Variants in RIN2 observed in about 807,000 individuals in gnomAD.
The protein encoded by RIN2 is Ras and Rab interactor 2.
In RIN2, 36 loss-of-function variants were observed where a neutral mutation model predicts 78.0. That is an observed-to-expected ratio of 0.46 (90% CI 0.35 to 0.61). RIN2 has a LOEUF of 0.61. Among genes scored for constraint, RIN2 ranks in the 20% least tolerant of loss-of-function variants. The pLI, the probability that RIN2 is intolerant of heterozygous loss-of-function variation, is 0.00. For missense variants in RIN2, 1,087 were observed against 1,159.7 expected (o/e 0.94, Z 0.91); for synonymous variants, 466 against 466.8 (o/e 1.00, Z 0.02).
rs531990452 is a variant in RIN2, at chr20:19,978,728, G to A, written c.1762+2941G>A. On this transcript the variant is annotated intron_variant, in intron 9 of 12. Coordinates refer to ENST00000255006, the MANE Select transcript of RIN2 (RefSeq NM_018993.4). Reference sequence around the variant, plus strand: ...CTCCTGGTTGGAGAGACACGGGCTCGTTCCTGTGTGTGCCAGCTCTCTATT... The same window carrying A: ...CTCCTGGTTGGAGAGACACGGGCTCATTCCTGTGTGTGCCAGCTCTCTATT... Among the ~76,000 whole-genome samples, 9 of 152,268 alleles carry A rather than the reference G, an allele frequency of 5.9e-5. No individual in the cohort carries two copies. In the East Asian group the frequency reaches 9.7e-4, roughly 16 times the overall value.
chr20:19,995,271 AAAAAAAAC>A (rs1306898369), intron 11 of RIN2, among the ~76,000 whole-genome samples: 69 of 151,496 alleles, frequency 4.6e-4, no homozygotes, highest in Non-Finnish European at 7.7e-4. Flanking sequence ...TAAAAAAAAA[AAAAAAAAC>A]AAAACACATT....
At chr20:19,763,112 C>T (rs1031168120) in intron 1 of RIN2, among the ~76,000 whole-genome samples, 1 of 152,146 alleles carries the variant, frequency 6.6e-6, no homozygotes, top group Admixed American at 6.5e-5. Flanking sequence ...TGGCCAGGTG[C>T]AGTGGCTCAT....
At chr20:19,810,445 C>T (rs1371980911) in intron 2 of RIN2, among the ~76,000 whole-genome samples, 5 of 151,906 alleles carry the variant, frequency 3.3e-5, no homozygotes, top group African/African-American at 1.2e-4. Context: ...GTACCATGGG[C>T]TGCCAGGGCC....
At chr20:19,958,891 TAAAG>T (rs1332642905) in intron 5 of RIN2, among the ~76,000 whole-genome samples, 4 of 151,580 alleles carry the variant, frequency 2.6e-5, no homozygotes, top group African/African-American at 9.7e-5. Context: ...TTAAATAAAA[TAAAG>T]AAGAGAGAGA....
chr20:19,954,062 G>A (rs971844777), intron 4 of RIN2, among the ~76,000 whole-genome samples: 1 of 152,208 alleles, frequency 6.6e-6, no homozygotes, highest in Non-Finnish European at 1.5e-5. Flanking sequence ...ATGGAGAGAA[G>A]TTAGGACGGG....
intron 9 of RIN2, among the ~76,000 whole-genome samples, chr20:19,988,349 G>T (rs1284488309): frequency 1.3e-5 from 2 of 152,158 alleles, no homozygotes; most frequent in South Asian, 4.1e-4. Flanking sequence ...TGAACCCCTG[G>T]CCTCAAGTGA....
chr20:19,906,022 G>A (rs774000990), intron 3 of RIN2, among the ~76,000 whole-genome samples: 1 of 152,170 alleles, frequency 6.6e-6, no homozygotes, highest in Non-Finnish European at 1.5e-5. Context: ...ACACATGCCA[G>A]GGCCATGAAT....
chr20:19,841,455 G>A (rs1057479984), intron 2 of RIN2, among the ~76,000 whole-genome samples: 5 of 152,050 alleles, frequency 3.3e-5, no homozygotes, highest in African/African-American at 1.2e-4. Context: ...AATTAAAAAG[G>A]CCACCATTGA....
rs181298473 is a variant in RIN2 at position 19,975,667 on chromosome 20, G to C, written c.1642G>C (p.Val548Leu). 6.2e-7 allele frequency: 1 copy of C among 1,613,680 alleles called. No individual in the cohort carries two copies. Among genetic ancestry groups the C allele is most frequent in the South Asian group, 1.1e-5 (1 of 91,072 alleles). Residue 548 changes from valine to leucine, a missense_variant, in exon 9 of 13, where the codon GTG becomes CTG. Coordinates refer to ENST00000255006, the MANE Select transcript of RIN2 (RefSeq NM_018993.4). This position sits in a 1 kb window ranked among gnomAD's most constrained non-coding sequence, Gnocchi z 4.9. The part of the protein sequence containing the change: ...SFLQENKECH[V>L]SSTDMLQTIR... Reference sequence around the variant, plus strand: ...CCTGCAGGAGAACAAGGAGTGCCACGTGTCCAGCACCGACATGCTGCAGAC... The same window carrying C: ...CCTGCAGGAGAACAAGGAGTGCCACCTGTCCAGCACCGACATGCTGCAGAC...
At chr20:19,806,509 G>T (rs1783188176) in intron 2 of RIN2, among the ~76,000 whole-genome samples, 1 of 152,214 alleles carries the variant, frequency 6.6e-6, no homozygotes, top group Admixed American at 6.5e-5. Flanking sequence ...GGAAAGAGGA[G>T]AAACCTACTA....
chr20:19,956,683 G>A lies in RIN2; in HGVS notation c.227G>A (p.Gly76Asp), dbSNP rs778050398. 1.2e-6 allele frequency: 2 copies of A among 1,612,822 alleles called. No individual in the cohort carries two copies. Among genetic ancestry groups the A allele is most frequent in the Non-Finnish European group, 1.7e-6 (2 of 1,179,476 alleles). ...GTGAAGACCTGTGCCCGGGACTCAG[G>A]CTATGACAGCCTCTCCAACAGGCTC... ...EDVKTCARDSGYDSLSNRLSI... is the reference protein window; with the variant it reads ...EDVKTCARDSDYDSLSNRLSI... The change falls in exon 5 of 13, where the codon GGC becomes GAC. Residue 76 changes from glycine to aspartate, a missense_variant. Physicochemically the swap from Gly to Asp is moderately conservative, Grantham distance 94 (BLOSUM62 -1). Coordinates refer to ENST00000255006, the MANE Select transcript of RIN2 (RefSeq NM_018993.4).
At position 19,975,087 on chromosome 20, in the gene RIN2, T is replaced by C. The variant is rs2042231329; in HGVS notation, c.1062T>C (p.Thr354=). ...GNVALPGTKP[T]PIPPPRLKKQ... ...TAGCTCTGCCTGGAACGAAACCAAC[T>C]CCCATCCCTCCACCCCGGCTGAAGA... The change falls in exon 9 of 13, where the codon ACT becomes ACC. Residue 354 remains threonine, a synonymous_variant. Transcript: ENST00000255006. The surrounding 1 kb of genome is among the most constrained non-coding windows in gnomAD (Gnocchi z 4.9). 1 of 1,613,320 alleles carries C rather than the reference T, an allele frequency of 6.2e-7. No individual in the cohort carries two copies. The highest frequency in any genetic ancestry group is 8.5e-7 in the Non-Finnish European group (1 of 1,179,844).
At chr20:19,844,151 T>G (rs1477155751) in intron 2 of RIN2, among the ~76,000 whole-genome samples, 1 of 152,152 alleles carries the variant, frequency 6.6e-6, no homozygotes, top group Non-Finnish European at 1.5e-5. Context: ...TTTTTCCAGT[T>G]TGGCTGGCAA....
chr20:19,970,853 T>TA lies in RIN2; in HGVS notation c.553dup (p.Thr185AsnfsTer18). 6.2e-7 allele frequency: 1 copy of TA among 1,613,184 alleles called. No individual in the cohort carries two copies. Among genetic ancestry groups the TA allele is most frequent in the Non-Finnish European group, 8.5e-7 (1 of 1,179,376 alleles). On this transcript the variant is annotated frameshift_variant, in exon 8 of 13. Coordinates refer to ENST00000255006, the MANE Select transcript of RIN2 (RefSeq NM_018993.4). LOFTEE classifies it high-confidence loss of function. ...GAACAATCAGGGATGTTCTACCATTTACCTTGAAGTTGCCTTATGCCATTT... is the reference window on the plus strand; with the variant it reads ...GAACAATCAGGGATGTTCTACCATTTAACCTTGAAGTTGCCTTATGCCATTT...
intron 2 of RIN2, among the ~76,000 whole-genome samples, chr20:19,802,812 C>T (rs1162696028): frequency 6.6e-6 from 1 of 152,148 alleles, no homozygotes; most frequent in Non-Finnish European, 1.5e-5. Context: ...CTAGAGCAAG[C>T]CCTAGTCATC....
intron 6 of RIN2, among the ~76,000 whole-genome samples, chr20:19,964,394 G>A (rs1418939112): frequency 6.6e-6 from 1 of 152,082 alleles, no homozygotes; most frequent in Non-Finnish European, 1.5e-5. Flanking sequence ...CATGCATGAG[G>A]CACCATGCCC....
chr20:19,792,918 G>C (rs1600468620), intron 1 of RIN2, among the ~76,000 whole-genome samples: 1 of 151,018 alleles, frequency 6.6e-6, no homozygotes, highest in Non-Finnish European at 1.5e-5. Flanking sequence ...GGAGGGCAAG[G>C]TATTTTAGGC....
At position 19,956,718 on chromosome 20, in the gene RIN2, G is replaced by A; in HGVS notation, c.262G>A (p.Asp88Asn). The A allele has an allele frequency of 6.2e-7, 1 of 1,611,176 alleles. No individual in the cohort carries two copies. The highest frequency in any genetic ancestry group is 8.5e-7 in the Non-Finnish European group (1 of 1,178,830). The change falls in exon 5 of 13, where the codon GAC becomes AAC. Residue 88 changes from aspartate (D) to asparagine (N), a missense_variant. Coordinates refer to ENST00000255006, the MANE Select transcript of RIN2 (RefSeq NM_018993.4). ...DSLSNRLSIL[D>N]RLLHTHPIWL... is the part of the protein sequence containing the mutation. Reference sequence around the variant, plus strand: ...CCTCTCCAACAGGCTCAGCATCTTGGACCGGCTCCTCCACACCCACCCCAT... The same window carrying A: ...CCTCTCCAACAGGCTCAGCATCTTGAACCGGCTCCTCCACACCCACCCCAT...
chr20:19,834,286 T>C (rs1198510678), intron 2 of RIN2, among the ~76,000 whole-genome samples: 11 of 152,150 alleles, frequency 7.2e-5, no homozygotes, highest in Non-Finnish European at 1.6e-4. Context: ...GCTTTTTGCT[T>C]AAGTGGGAAG....
Sources: allele counts gnomAD v4.1 joint callset (sites outside exome capture counted in the v4.1 genomes callset), GRCh38; gene constraint gnomAD v4.1.1; non-coding constraint Gnocchi (gnomAD v3.1); transcripts MANE v1.5; gene names NCBI Gene and HGNC (gene_info 2026-07-23, HGNC 2026-07-21).